The following DNAH6 variants were observed in gnomAD, a reference collection of about 807,000 sequenced individuals.
The protein encoded by DNAH6 is axonemal beta dynein heavy chain 6.
Under a neutral mutation model 491.4 loss-of-function variants are expected in DNAH6, and 340 were observed. The observed-to-expected ratio is 0.69, with a 90% CI of 0.63 to 0.76. The LOEUF is 0.76. Ranked by LOEUF, DNAH6 falls within the 30% of genes least tolerant of loss-of-function variation. DNAH6 has a pLI of 0.00. For synonymous variants in DNAH6, 1,603 were observed against 1,686.1 expected (o/e 0.95, Z 1.21); for missense variants, 4,443 against 4,972.2 (o/e 0.89, Z 3.20).
At position 84,707,521 on chromosome 2, in the gene DNAH6, A is replaced by C. The variant is rs148344852; in HGVS notation, c.8853A>C (p.Ala2951=). ...DKGVNEKESL[A]KTMALTKARL... ...CTGATTTTCTTAAAATTTTTCTAGCAAAGACCATGGCCCTGACAAAAGCAC... is the reference window on the plus strand; with the variant it reads ...CTGATTTTCTTAAAATTTTTCTAGCCAAGACCATGGCCCTGACAAAAGCAC... Residue 2951 remains alanine (A), a splice_region_variant and synonymous_variant, in exon 54 of 77, where the codon GCA becomes GCC. Transcript: ENST00000389394. 1.2e-5 allele frequency: 18 copies of C among 1,543,112 alleles called. No individual in the cohort carries two copies. In the East Asian group the frequency reaches 2.7e-4, roughly 23 times the overall value.
intron 4 of DNAH6, among the ~76,000 whole-genome samples, chr2:84,529,979 G>A (rs1677003296): frequency 6.6e-6 from 1 of 152,196 alleles, no homozygotes; most frequent in Admixed American, 6.5e-5. Context: ...AATGACAGAT[G>A]TGTTGTAAAT....
intron 70 of DNAH6, among the ~76,000 whole-genome samples, chr2:84,798,433 T>A (rs556433661): frequency 6.0e-4 from 91 of 152,290 alleles, no homozygotes; most frequent in African/African-American, 2.0e-3. Context: ...GCCCAAAGAA[T>A]AAGCAGAGGC....
At chr2:84,460,545 CTT>C in the DNAH6 span, among the ~76,000 whole-genome samples, 1 of 152,186 alleles carries the variant, frequency 6.6e-6, no homozygotes, top group Non-Finnish European at 1.5e-5. Flanking sequence ...TTTCAGTACA[CTT>C]TTAATGAAAA....
Position 84,792,153 on chromosome 2 carries a change from C to T in DNAH6, c.11240-4153C>T, listed in dbSNP as rs185662036. Among the ~76,000 whole-genome samples, 940 of 152,226 alleles carry T rather than the reference C, an allele frequency of 6.2e-3. 5 individuals are homozygous for T. Among genetic ancestry groups the T allele is most frequent in the Non-Finnish European group, 0.011 (744 of 68,004 alleles). On this transcript the variant is annotated intron_variant, in intron 68 of 76. Coordinates refer to ENST00000389394, the MANE Select transcript of DNAH6 (RefSeq NM_001370.2). Reference sequence around the variant, plus strand: ...GAGGGACAAATACTGCATGATTCCTCTTATGTGAGGCCTCTATAATAGTCA... The same window carrying T: ...GAGGGACAAATACTGCATGATTCCTTTTATGTGAGGCCTCTATAATAGTCA...
intron 9 of DNAH6, among the ~76,000 whole-genome samples, chr2:84,550,756 A>G (rs1163443598): frequency 6.6e-6 from 1 of 152,188 alleles, no homozygotes; most frequent in East Asian, 1.9e-4. Flanking sequence ...AAAAGCTTAT[A>G]GTTCGTGGGG....
chr2:84,557,176 A>G (rs1420143779), intron 10 of DNAH6, among the ~76,000 whole-genome samples: 1 of 152,140 alleles, frequency 6.6e-6, no homozygotes, highest in East Asian at 1.9e-4. Flanking sequence ...TTTTGTTCAC[A>G]CTTCAAATAT....
chr2:84,672,333 C>T lies in DNAH6; in HGVS notation c.6461C>T (p.Pro2154Leu), dbSNP rs748914033. 25 of 1,546,586 alleles carry T rather than the reference C, an allele frequency of 1.6e-5. No individual in the cohort carries two copies. The highest frequency in any genetic ancestry group is 9.6e-5 in the African/African-American group (7 of 72,804). The change falls in exon 40 of 77, where the codon CCG becomes CTG. Residue 2154 changes from proline (P) to leucine (L), a missense_variant. Transcript: ENST00000389394. ...ERKRKNILGA[P>L]GNKRIVIFVD... ...ATTCATTTTATTTCCCTAGGAGCAC[C>T]GGGAAACAAACGAATTGTGATTTTT... is the stretch of plus-strand genomic sequence containing the variant.
rs761577094 is a variant in DNAH6, at chr2:84,708,275, T to TAA, written c.9048+570_9048+571dup. ...CAACACTGTGAAACCTCGTCTCTAC[T>TAA]AAAAAAAAAAAATACAAAAATTAGC... On this transcript the variant is annotated intron_variant, in intron 54 of 76. Transcript: ENST00000389394. Among the ~76,000 whole-genome samples the TAA allele has an allele frequency of 2.1e-5, 3 of 143,370 alleles. No individual in the cohort carries two copies. In the East Asian group the frequency reaches 6.0e-4, roughly 29 times the overall value. 94.1% of individuals were successfully genotyped at this position (143,370 alleles called of 152,430 possible).
the DNAH6 span, among the ~76,000 whole-genome samples, chr2:84,475,635 A>T: frequency 6.6e-6 from 1 of 152,224 alleles, no homozygotes; most frequent in Non-Finnish European, 1.5e-5. Flanking sequence ...CTCCAATGCC[A>T]TCACAAGCCT....
intron 45 of DNAH6, among the ~76,000 whole-genome samples, chr2:84,689,976 T>C (rs538786417): frequency 1.3e-5 from 2 of 152,352 alleles, no homozygotes; most frequent in East Asian, 3.9e-4. Context: ...TTATCCCACA[T>C]CTTTCTTATT....
chr2:84,672,181 A>T, intron 39 of DNAH6, 146 bp from the exon 40 acceptor site: 3 of 733,220 alleles, frequency 4.1e-6, no homozygotes, highest in Non-Finnish European at 2.1e-6. Context: ...GCCAGAAGGA[A>T]GTCTCTCCTC....
intron 40 of DNAH6, among the ~76,000 whole-genome samples, chr2:84,676,615 G>A (rs72922794): frequency 0.012 from 1,783 of 152,244 alleles, 35 homozygotes; most frequent in African/African-American, 0.039. Flanking sequence ...AGGAGCAGTG[G>A]TTCAGTAACC....
chr2:84,637,477 T>C, intron 31 of DNAH6, 100 bp downstream of exon 31: 1 of 1,254,708 alleles, frequency 8.0e-7, no homozygotes, highest in Non-Finnish European at 1.1e-6. Context: ...AATGCCCCTA[T>C]TAATGGTTAC....
At chr2:84,491,450 T>C in the DNAH6 span, among the ~76,000 whole-genome samples, 1 of 152,178 alleles carries the variant, frequency 6.6e-6, no homozygotes, top group East Asian at 1.9e-4. Flanking sequence ...AACAATTCTG[T>C]TCTCTACCTT....
intron 64 of DNAH6, chr2:84,777,768 T>G: frequency 1.1e-6 from 1 of 936,542 alleles, no homozygotes; most frequent in Non-Finnish European, 1.8e-6. Flanking sequence ...TTGCAACCAC[T>G]TCCAATAATA....
At chr2:84,720,229 A>G (rs868246797) in intron 59 of DNAH6, among the ~76,000 whole-genome samples, 1 of 143,160 alleles carries the variant, frequency 7.0e-6, no homozygotes, top group African/African-American at 2.6e-5. Flanking sequence ...CTTACAACCA[A>G]TTCTTATTTT....
In DNAH6 at chr2:84,683,805, T is replaced by C. The variant is rs1694040493; in HGVS notation, c.6917-1521T>C. Among the ~76,000 whole-genome samples the C allele has an allele frequency of 3.3e-5, 5 of 152,288 alleles. No individual in the cohort carries two copies. In the South Asian group the frequency reaches 8.3e-4, roughly 25 times the overall value. On this transcript the variant is annotated intron_variant, in intron 42 of 76. Transcript: ENST00000389394. ...TCTGCAAAGTAGCCAAAGTAGAAGC[T>C]GTGGAGTGCTTTCATGTGAAGCAAT...
the DNAH6 span, among the ~76,000 whole-genome samples, chr2:84,488,384 AT>A: frequency 3.6e-5 from 3 of 83,814 alleles, no homozygotes; most frequent in Admixed American, 1.2e-4. Context: ...AATAAAAAAA[AT>A]TAAAAAATAA....
rs572571196 is a variant in DNAH6 at position 84,671,300 on chromosome 2, G to A, written c.6454+825G>A. 2.0e-5 allele frequency among the ~76,000 whole-genome samples: 3 copies of A among 152,302 alleles called. 1 individual carries two copies. In the South Asian group the frequency reaches 6.2e-4, roughly 32 times the overall value. On this transcript the variant is annotated intron_variant, in intron 39 of 76. Coordinates refer to ENST00000389394, the MANE Select transcript of DNAH6 (RefSeq NM_001370.2). ...CCCAAAAGAGCTGTTTGCAAGCCAG[G>A]CATTGACCTTATCACTGGAAGTTTC...
Sources: allele counts gnomAD v4.1 joint callset (sites outside exome capture counted in the v4.1 genomes callset), GRCh38; gene constraint gnomAD v4.1.1; transcripts MANE v1.5; gene names NCBI Gene and HGNC (gene_info 2026-07-23, HGNC 2026-07-21).